GNG4: variants seen among roughly 807,000 people sequenced by gnomAD.
GNG4 encodes guanine nucleotide-binding protein G(I)/G(S)/G(O) subunit gamma-4.
Under a neutral mutation model 5.8 loss-of-function variants are expected in GNG4, and 4 were observed. The observed-to-expected ratio is 0.69, with a 90% CI of 0.34 to 1.57. The LOEUF (loss-of-function observed/expected upper bound fraction) is 1.57, where lower values mean the gene tolerates loss of function less well. Among genes scored for constraint, GNG4 ranks in the 40% most tolerant of loss-of-function variants. The pLI is 0.06. For missense variants in GNG4, 96 were observed against 95.1 expected, an observed-to-expected ratio of 1.01 and a Z score of -0.04; for synonymous variants, 29 against 32.9, an observed-to-expected ratio of 0.88 and a Z score of 0.41.
intron 1 of GNG4, among the ~76,000 whole-genome samples, chr1:235,633,030 C>G (rs1688965473): frequency 6.6e-6 from 1 of 152,000 alleles, no homozygotes; most frequent in African/African-American, 2.4e-5. Context: ...TGCAGACAGG[C>G]TGATGTCTGT....
intron 2 of GNG4, among the ~76,000 whole-genome samples, 168 bp from the exon 3 acceptor site, chr1:235,584,016 G>C (rs113869180): frequency 6.6e-6 from 1 of 152,164 alleles, no homozygotes; most frequent in Admixed American, 6.5e-5. Flanking sequence ...TGCCTCATTC[G>C]AGTAAGAGGA....
rs1471498880 is a variant in GNG4 at position 235,551,910 on chromosome 1, G to T, written c.*199C>A. ...CATTTTGATTTTCTTTGCCAATAAT[G>T]AAAATAACATGAAAATGAAAAGGAA... On this transcript the variant is annotated 3_prime_UTR_variant, in exon 4 of 4. Coordinates refer to ENST00000391854, the MANE Select transcript of GNG4 (RefSeq NM_001098722.2). 3 of 491,384 alleles carry T rather than the reference G, an allele frequency of 6.1e-6. No homozygotes were observed. The highest frequency in any genetic ancestry group is 1.1e-5 in the Non-Finnish European group (3 of 268,258). 30.4% of individuals were successfully genotyped at this position (491,384 alleles called of 1,614,324 possible).
chr1:235,564,773 C>T (rs907848683), intron 3 of GNG4, among the ~76,000 whole-genome samples: 2 of 152,190 alleles, frequency 1.3e-5, no homozygotes, highest in African/African-American at 2.4e-5. Flanking sequence ...GCAACCTCTG[C>T]CTCCCGGGTT....
chr1:235,636,784 C>T (rs1223317272), intron 1 of GNG4, among the ~76,000 whole-genome samples: 4 of 152,132 alleles, frequency 2.6e-5, no homozygotes, highest in Admixed American at 6.5e-5. Context: ...AGGGACACAT[C>T]GGAACTGGAT....
intron 2 of GNG4, among the ~76,000 whole-genome samples, chr1:235,588,030 G>A (rs1208837800): frequency 6.6e-6 from 1 of 151,824 alleles, no homozygotes; most frequent in Non-Finnish European, 1.5e-5. Context: ...GTCCCGTCAG[G>A]CCCCTGCAGC....
intron 1 of GNG4, among the ~76,000 whole-genome samples, chr1:235,633,669 T>C (rs1367997420): frequency 2.6e-5 from 4 of 152,076 alleles, no homozygotes; most frequent in Non-Finnish European, 5.9e-5. Context: ...TAAAATTTTT[T>C]GTAGAGACAG....
intron 3 of GNG4, 57 bp downstream of exon 3, chr1:235,583,683 A>T: frequency 9.0e-7 from 1 of 1,106,096 alleles, no homozygotes; most frequent in Non-Finnish European, 1.4e-6. Context: ...TGGAAGCAGG[A>T]GGAATGTTTT....
intron 2 of GNG4, among the ~76,000 whole-genome samples, chr1:235,587,906 G>A (rs1306638316): frequency 8.0e-6 from 1 of 125,506 alleles, no homozygotes; most frequent in Non-Finnish European, 1.7e-5. Flanking sequence ...TGGAGTGTGA[G>A]TGTGTGGGTA....
intron 1 of GNG4, chr1:235,616,373 T>C (rs554028547): frequency 8.1e-6 from 3 of 369,492 alleles, no homozygotes; most frequent in South Asian, 4.5e-5. Flanking sequence ...CCTCGTGATA[T>C]ATTCAGGACA....
chr1:235,553,010 C>A (rs1485765242), intron 3 of GNG4, among the ~76,000 whole-genome samples: 1 of 152,130 alleles, frequency 6.6e-6, no homozygotes, highest in South Asian at 2.1e-4. Flanking sequence ...CTGCCCACCT[C>A]GGCTTCCCAA....
intron 1 of GNG4, among the ~76,000 whole-genome samples, chr1:235,641,054 G>A (rs1571928344): frequency 6.6e-6 from 1 of 152,208 alleles, no homozygotes; most frequent in East Asian, 1.9e-4. Flanking sequence ...GAGAGGAGGG[G>A]AAAGCCACCT....
In GNG4 at chr1:235,562,516, G is replaced by A. The variant is rs542789151; in HGVS notation, c.100-10279C>T. On this transcript the variant is annotated intron_variant, in intron 3 of 3. Transcript: ENST00000391854. Reference sequence around the variant, plus strand: ...ACAAAAATTAGCTGCTGGGCATGGTGGGCCTGTAATCCCAACTACTCAGGA... The same window carrying A: ...ACAAAAATTAGCTGCTGGGCATGGTAGGCCTGTAATCCCAACTACTCAGGA... 3.9e-5 allele frequency among the ~76,000 whole-genome samples: 6 copies of A among 151,998 alleles called. No homozygotes were observed. The East Asian group carries it at 5.8e-4, about 15-fold the overall frequency.
chr1:235,593,465 T>C (rs1482127969), intron 2 of GNG4, among the ~76,000 whole-genome samples: 1 of 152,184 alleles, frequency 6.6e-6, no homozygotes, highest in South Asian at 2.1e-4. Context: ...ACTTGACAAG[T>C]ATCTGTAGGC....
intron 1 of GNG4, among the ~76,000 whole-genome samples, chr1:235,617,378 C>A (rs1169337402): frequency 6.6e-6 from 1 of 152,172 alleles, no homozygotes; most frequent in African/African-American, 2.4e-5. Context: ...TGTGTCTTGT[C>A]ATTTTGCTCA....
In GNG4 at chr1:235,606,850, A is replaced by G. The variant is rs114057342; in HGVS notation, c.-122-11339T>C. 8.2e-3 allele frequency among the ~76,000 whole-genome samples: 1,238 copies of G among 151,528 alleles called. 20 individuals are homozygous for G. Among genetic ancestry groups the G allele is most frequent in the African/African-American group, 0.029 (1,204 of 41,308 alleles). ...TGCAGAGCCTTTGGCCCAAAGCAGC[A>G]TGGGGGGGCGAGCAGAGGAAGGAAG... On this transcript the variant is annotated intron_variant, in intron 1 of 3. Coordinates refer to ENST00000391854, the MANE Select transcript of GNG4 (RefSeq NM_001098722.2).
chr1:235,575,479 T>C (rs545437806), intron 3 of GNG4, among the ~76,000 whole-genome samples: 31 of 152,212 alleles, frequency 2.0e-4, no homozygotes, highest in Non-Finnish European at 3.5e-4. Flanking sequence ...CAGTAGTCTA[T>C]AGAACGCAGG....
intron 1 of GNG4, among the ~76,000 whole-genome samples, chr1:235,640,038 G>A (rs1657275927): frequency 6.6e-6 from 1 of 152,138 alleles, no homozygotes; most frequent in African/African-American, 2.4e-5. Flanking sequence ...GTCTCTAGGT[G>A]GGGATCTTGT....
intron 1 of GNG4, among the ~76,000 whole-genome samples, chr1:235,612,186 C>T (rs1022041856): frequency 1.3e-4 from 20 of 151,880 alleles, no homozygotes; most frequent in Non-Finnish European, 2.5e-4. Context: ...TAGCCCAGGA[C>T]AACGTCGAAG....
At chr1:235,597,484 G>C (rs952557539) in intron 1 of GNG4, among the ~76,000 whole-genome samples, 1 of 149,454 alleles carries the variant, frequency 6.7e-6, no homozygotes, top group African/African-American at 2.5e-5. Context: ...GTTAAGTCAT[G>C]AGGATGGAGC....
Sources: gnomAD v4.1 joint callset for allele counts (sites outside exome capture counted in the v4.1 genomes callset) on GRCh38, gnomAD v4.1.1 for gene constraint, MANE v1.5 for transcripts, NCBI Gene and HGNC (gene_info 2026-07-23, HGNC 2026-07-21) for gene names.